The following SUGT1 variants were observed in gnomAD, a reference collection of about 807,000 sequenced individuals.
SUGT1 encodes the protein SGT1 assembly cochaperone of MIS12 kinetochore complex.
A neutral mutation model predicts 56.1 loss-of-function variants in SUGT1; 15 were observed. That is an observed-to-expected ratio of 0.27 (90% CI 0.18 to 0.41). The LOEUF (loss-of-function observed/expected upper bound fraction) is 0.41. Among genes scored for constraint, SUGT1 ranks in the 10% least tolerant of loss-of-function variants. The pLI is 1.00. For missense variants in SUGT1, 347 were observed against 382.2 expected, an observed-to-expected ratio of 0.91 and a Z score of 0.77; for synonymous variants, 123 against 128.6, an observed-to-expected ratio of 0.96 and a Z score of 0.30.
At chr13:52,683,493 A>G (rs1048155055) in intron 12 of SUGT1, among the ~76,000 whole-genome samples, 10 of 152,080 alleles carry the variant, frequency 6.6e-5, no homozygotes, top group South Asian at 4.1e-4. Flanking sequence ...TCTTAATTCT[A>G]TCTTCTAATG....
chr13:52,673,128 T>G (rs1963005657), intron 10 of SUGT1, among the ~76,000 whole-genome samples: 1 of 152,228 alleles, frequency 6.6e-6, no homozygotes. Flanking sequence ...ATTCTAGAAC[T>G]ATCTGCCCGA....
intron 6 of SUGT1, 136 bp downstream of exon 6, chr13:52,662,838 A>C: frequency 1.1e-6 from 1 of 926,738 alleles, no homozygotes; most frequent in Non-Finnish European, 1.6e-6. Context: ...GTGGACTTCC[A>C]AAGATACACT....
intron 10 of SUGT1, among the ~76,000 whole-genome samples, chr13:52,669,482 C>T (rs1186146247): frequency 1.3e-5 from 2 of 152,098 alleles, no homozygotes; most frequent in Non-Finnish European, 2.9e-5. Context: ...GGTGGAAAAA[C>T]AATCATGTTA....
intron 10 of SUGT1, among the ~76,000 whole-genome samples, chr13:52,674,210 C>G (rs1213014179): frequency 2.0e-5 from 3 of 151,864 alleles, no homozygotes; most frequent in Non-Finnish European, 2.9e-5. Context: ...TGCCACTATG[C>G]CTGGCTATTT....
At chr13:52,659,107 T>G in intron 4 of SUGT1, 72 bp from the exon 5 acceptor site, 3 of 1,276,992 alleles carry the variant, frequency 2.3e-6, no homozygotes, top group East Asian at 2.8e-5. Context: ...AAATACTAAG[T>G]TTTTTATTTA....
intron 12 of SUGT1, among the ~76,000 whole-genome samples, chr13:52,686,427 A>G (rs865889990): frequency 2.6e-5 from 4 of 152,212 alleles, no homozygotes; most frequent in African/African-American, 7.2e-5. Flanking sequence ...AATTGCAACA[A>G]TGCACTGTGA....
chr13:52,667,116 C>T (rs1566183666), intron 10 of SUGT1, among the ~76,000 whole-genome samples, 197 bp downstream of exon 10: 1 of 152,082 alleles, frequency 6.6e-6, no homozygotes, highest in Non-Finnish European at 1.5e-5. Flanking sequence ...TAAAAATCCA[C>T]TTAGAGTGTG....
chr13:52,671,078 A>G (rs1962916732), intron 10 of SUGT1, among the ~76,000 whole-genome samples: 1 of 151,908 alleles, frequency 6.6e-6, no homozygotes, highest in Non-Finnish European at 1.5e-5. Context: ...TTAAATAAAA[A>G]TCCTGGTGAT....
At chr13:52,666,136 A>AGTGCAGTGGCGCAATTTCGGCTCACTGC (rs1379417057) in intron 9 of SUGT1, among the ~76,000 whole-genome samples, 1 of 152,202 alleles carries the variant, frequency 6.6e-6, no homozygotes, top group Non-Finnish European at 1.5e-5. Flanking sequence ...CGTAGGCTGG[A>AGTGCAGTGGCGCAATTTCGGCTCACTGC]GTGCAGTGGC....
chr13:52,683,187 T>C (rs1963444946), intron 12 of SUGT1, among the ~76,000 whole-genome samples: 1 of 152,232 alleles, frequency 6.6e-6, no homozygotes, highest in African/African-American at 2.4e-5. Context: ...TTGTTTCCCA[T>C]TTTAAGGGAA....
chr13:52,670,981 C>G (rs1962913544), intron 10 of SUGT1, among the ~76,000 whole-genome samples: 1 of 151,976 alleles, frequency 6.6e-6, no homozygotes, highest in Non-Finnish European at 1.5e-5. Flanking sequence ...GTCTTAGAAA[C>G]AAAATAGCCT....
intron 12 of SUGT1, chr13:52,687,137 G>T (rs1407281385): frequency 6.7e-6 from 1 of 150,358 alleles, no homozygotes; most frequent in Non-Finnish European, 1.5e-5. Flanking sequence ...GAATATGCTT[G>T]GGTTGTTGGT....
At position 52,691,298 on chromosome 13, in the gene SUGT1, A is replaced by C. The variant is rs1963769041; in HGVS notation, c.*3463A>C. On this transcript the variant is annotated 3_prime_UTR_variant, in exon 13 of 13. Transcript: ENST00000310528. ...CATGCCCAGTTATGAACTTCAAGTA[A>C]ATATTTAAAATGGAGATACATCACA... 6.6e-6 allele frequency: 1 copy of C among 152,166 alleles called. No homozygotes were observed. The highest frequency in any genetic ancestry group is 1.5e-5 in the Non-Finnish European group (1 of 68,026). 9.4% of individuals were successfully genotyped at this position (152,166 alleles called of 1,614,324 possible). A position where few individuals can be genotyped will look rare whatever the true frequency, so the allele number is the denominator to read the frequency against.
At chr13:52,681,917 T>TGCTC (rs1963391849) in intron 12 of SUGT1, among the ~76,000 whole-genome samples, 3 of 135,814 alleles carry the variant, frequency 2.2e-5, no homozygotes, top group South Asian at 2.4e-4. Flanking sequence ...CTTATGGCCA[T>TGCTC]ACTAACCCCA....
At chr13:52,670,798 G>A (rs1412437045) in intron 10 of SUGT1, among the ~76,000 whole-genome samples, 1 of 152,142 alleles carries the variant, frequency 6.6e-6, no homozygotes, top group African/African-American at 2.4e-5. Context: ...GGGTGACTGA[G>A]TGAGACTCCG....
At chr13:52,668,288 C>G (rs926040250) in intron 10 of SUGT1, among the ~76,000 whole-genome samples, 1 of 152,024 alleles carries the variant, frequency 6.6e-6, no homozygotes. Context: ...CCTATTACTC[C>G]TTTTTTTATA....
chr13:52,655,068 G>A (rs567953203), intron 2 of SUGT1, among the ~76,000 whole-genome samples: 7 of 152,314 alleles, frequency 4.6e-5, no homozygotes, highest in East Asian at 1.9e-4. Context: ...AAGTGCAGCC[G>A]GGCGCGGTGG....
At chr13:52,684,175 A>G (rs1410869609) in intron 12 of SUGT1, among the ~76,000 whole-genome samples, 1 of 152,150 alleles carries the variant, frequency 6.6e-6, no homozygotes, top group Non-Finnish European at 1.5e-5. Flanking sequence ...TGCTAGGATT[A>G]CAGGAGTGAG....
Position 52,658,147 on chromosome 13 carries a change from A to G in SUGT1, c.188-252A>G, listed in dbSNP as rs1385438230. On this transcript the variant is annotated intron_variant, in intron 3 of 12. Coordinates refer to ENST00000310528, the MANE Select transcript of SUGT1 (RefSeq NM_006704.5). ...AAATTACATAGAAAATGTTAATGAG[A>G]CAAGGAGGTGAATTTTGTGACACAG... 2.8e-6 allele frequency: 4 copies of G among 1,410,268 alleles called. No homozygotes were observed. In the East Asian group the frequency reaches 1.3e-4, roughly 44 times the overall value. 87.4% of individuals were successfully genotyped at this position (1,410,268 alleles called of 1,614,324 possible).
Sources: gnomAD v4.1 joint callset for allele counts (sites outside exome capture counted in the v4.1 genomes callset) on GRCh38, gnomAD v4.1.1 for gene constraint, MANE v1.5 for transcripts, NCBI Gene and HGNC (gene_info 2026-07-23, HGNC 2026-07-21) for gene names.